Variants in POLR3E observed in about 807,000 individuals in gnomAD.
POLR3E encodes DNA-directed RNA polymerase III subunit RPC5.
Under a neutral mutation model 96.6 loss-of-function variants are expected in POLR3E, and 41 were observed. The observed-to-expected ratio is 0.42, with a 90% CI of 0.33 to 0.55. The LOEUF (loss-of-function observed/expected upper bound fraction) is 0.55, where lower values mean the gene tolerates loss of function less well. POLR3E is among the 20% of genes least tolerant of loss of function. The pLI is 0.06. For missense variants in POLR3E, 849 were observed against 952.1 expected (o/e 0.89, Z 1.43); for synonymous variants, 396 against 383.6 (o/e 1.03, Z -0.38).
chr16:22,329,579 G>A (rs1261430613), intron 19 of POLR3E, among the ~76,000 whole-genome samples: 1 of 152,140 alleles, frequency 6.6e-6, no homozygotes, highest in South Asian at 2.1e-4. Context: ...GAGCCAACTG[G>A]CAGGCTGAGG....
intron 3 of POLR3E, among the ~76,000 whole-genome samples, chr16:22,306,259 T>A (rs2048130522): frequency 1.3e-5 from 2 of 152,300 alleles, no homozygotes; most frequent in South Asian, 4.1e-4. Context: ...GCTTTTCTTT[T>A]TTTTGTTTGT....
intron 20 of POLR3E, 46 bp downstream of exon 20, chr16:22,332,231 G>A: frequency 6.3e-7 from 1 of 1,580,852 alleles, no homozygotes; most frequent in African/African-American, 1.4e-5. Flanking sequence ...GGCTCTGGAA[G>A]GGGCTGACAG....
intron 19 of POLR3E, among the ~76,000 whole-genome samples, chr16:22,329,544 C>G (rs74012312): frequency 1.3e-5 from 2 of 152,144 alleles, no homozygotes; most frequent in Admixed American, 1.3e-4. Context: ...CCACTGAGCT[C>G]TCTGTCCCCA....
At chr16:22,328,822 G>C in intron 19 of POLR3E, 2 of 492,026 alleles carry the variant, frequency 4.1e-6, no homozygotes, top group East Asian at 3.8e-5. Context: ...AGCTCCATCA[G>C]AATCATCTTT....
At chr16:22,308,812 C>T (rs1464868989) in intron 4 of POLR3E, 113 bp from the exon 5 acceptor site, 2 of 660,312 alleles carry the variant, frequency 3.0e-6, no homozygotes, top group Non-Finnish European at 5.3e-6. Flanking sequence ...ATGTGTCAGT[C>T]TCGCTTCCGG....
At chr16:22,309,232 G>A (rs1329985192) in intron 5 of POLR3E, 192 bp downstream of exon 5, 11 of 681,992 alleles carry the variant, frequency 1.6e-5, no homozygotes, top group Admixed American at 2.3e-5. Flanking sequence ...CCCACTCCTC[G>A]TCTCTTGGTC....
chr16:22,308,678 G>A (rs2141747537), intron 4 of POLR3E, among the ~76,000 whole-genome samples: 1 of 152,262 alleles, frequency 6.6e-6, no homozygotes, highest in Admixed American at 6.5e-5. Context: ...ACCTAATTTA[G>A]GTCTTTGGGA....
chr16:22,322,788 G>C lies in POLR3E; in HGVS notation c.987-62G>C, dbSNP rs2048495989. ...AGCATGGACTGGGGCTTGGCCGGGA[G>C]GGGTAGCGGTAGAGGGGGCTCAGGG... On this transcript the variant is annotated intron_variant, in intron 13 of 20. Coordinates refer to ENST00000299853, the MANE Select transcript of POLR3E (RefSeq NM_018119.4). This position sits in a 1 kb window ranked among gnomAD's most constrained non-coding sequence, Gnocchi z 5.2. 5.9e-6 allele frequency: 7 copies of C among 1,181,632 alleles called. No homozygotes were observed. The highest frequency in any genetic ancestry group is 7.5e-6 in the Non-Finnish European group (6 of 796,492). The allele number at this position is 1,181,632 out of a possible 1,614,324, so 73.2% of individuals were successfully genotyped here.
At chr16:22,302,766 G>C in intron 1 of POLR3E, 165 bp from the exon 2 acceptor site, 1 of 637,584 alleles carries the variant, frequency 1.6e-6, no homozygotes, top group Non-Finnish European at 2.8e-6. Flanking sequence ...CTGGCTGATG[G>C]GGTATAGGGT....
At chr16:22,326,456 A>G in intron 18 of POLR3E, 178 bp downstream of exon 18, 1 of 645,120 alleles carries the variant, frequency 1.6e-6, no homozygotes. Flanking sequence ...AAATGGGATC[A>G]TGTTGGGTTT....
At chr16:22,331,712 A>G in intron 19 of POLR3E, 1 of 169,752 alleles carries the variant, frequency 5.9e-6, no homozygotes, top group East Asian at 1.7e-4. Context: ...CCTGCTTGCT[A>G]AGTCCGATGC....
chr16:22,309,282 C>A, intron 5 of POLR3E, 146 bp from the exon 6 acceptor site: 1 of 743,572 alleles, frequency 1.3e-6, no homozygotes, highest in South Asian at 1.5e-5. Context: ...CCAGGCTGCC[C>A]TCCTGAGACC....
rs1422536180 is a variant in POLR3E at position 22,326,217 on chromosome 16, T to C, written c.1805T>C (p.Ile602Thr). Residue 602 changes from isoleucine to threonine, a missense_variant, in exon 18 of 21, where the codon ATC becomes ACC. Physicochemically the swap from Ile to Thr is moderately conservative, Grantham distance 89 (BLOSUM62 -1). Transcript: ENST00000299853. ...CCCGGCCACACACTCTTCAGCGGCATCTCGGACCGCATGCTACAGGACACG... is the reference window on the plus strand; with the variant it reads ...CCCGGCCACACACTCTTCAGCGGCACCTCGGACCGCATGCTACAGGACACG... ...LPPGHTLFSG[I>T]SDRMLQDTVL... 2 of 1,610,868 alleles carry C rather than the reference T, an allele frequency of 1.2e-6. No homozygotes were observed. Among genetic ancestry groups the C allele is most frequent in the Non-Finnish European group, 8.5e-7 (1 of 1,178,598 alleles).
rs1191780729 is a variant in POLR3E, at chr16:22,333,411, C to T, written c.2071-233C>T. 5.3e-5 allele frequency among the ~76,000 whole-genome samples: 8 copies of T among 150,006 alleles called. No homozygotes were observed. In the East Asian group the frequency reaches 6.1e-4, roughly 11 times the overall value. ...AGGCTGCAGTGAGCCAAGATCATGC[C>T]GTTGCACTCCAGCCTGGGTAACAAG... is the stretch of plus-strand genomic sequence containing the variant. On this transcript the variant is annotated intron_variant, in intron 20 of 20. Transcript: ENST00000299853.
rs908741096 is a variant in POLR3E, at chr16:22,322,069, T to C, written c.987-781T>C. Reference sequence around the variant, plus strand: ...GTTTGTTTGGTCAGCACACACTTAATAGGTACCTTCGCTGTGGTGGCAGCG... The same window carrying C: ...GTTTGTTTGGTCAGCACACACTTAACAGGTACCTTCGCTGTGGTGGCAGCG... On this transcript the variant is annotated intron_variant, in intron 13 of 20. Transcript: ENST00000299853. This position sits in a 1 kb window ranked among gnomAD's most constrained non-coding sequence, Gnocchi z 5.2. Among the ~76,000 whole-genome samples the C allele has an allele frequency of 6.6e-6, 1 of 152,188 alleles. No individual in the cohort carries two copies. Among genetic ancestry groups the C allele is most frequent in the African/African-American group, 2.4e-5 (1 of 41,432 alleles).
chr16:22,303,149 G>A, intron 2 of POLR3E, 145 bp downstream of exon 2: 3 of 790,604 alleles, frequency 3.8e-6, no homozygotes, highest in Non-Finnish European at 6.7e-6. Flanking sequence ...CCCCTCTGCT[G>A]TCCCCCAGAC....
chr16:22,297,771 G>A (rs986199731), intron 1 of POLR3E, among the ~76,000 whole-genome samples: 6 of 152,256 alleles, frequency 3.9e-5, no homozygotes, highest in Non-Finnish European at 7.3e-5. Flanking sequence ...GCCGACGCTG[G>A]CGGCGGTGAC....
intron 2 of POLR3E, among the ~76,000 whole-genome samples, chr16:22,304,439 T>C (rs1035779453): frequency 3.9e-5 from 6 of 152,280 alleles, no homozygotes; most frequent in Middle Eastern, 3.4e-3. Flanking sequence ...TCCAAGGGAC[T>C]CCGAGGACAG....
Position 22,315,240 on chromosome 16 carries a change from A to G in POLR3E, c.642+32A>G, listed in dbSNP as rs372738118. ...GGGGCTTCGTGGGGTCCTGGGGGAAACACCTCGGTGCCCGGAAGGGTCATG... is the reference window on the plus strand; with the variant it reads ...GGGGCTTCGTGGGGTCCTGGGGGAAGCACCTCGGTGCCCGGAAGGGTCATG... On this transcript the variant is annotated intron_variant, in intron 9 of 20. Coordinates refer to ENST00000299853, the MANE Select transcript of POLR3E (RefSeq NM_018119.4). The G allele has an allele frequency of 2.6e-6, 4 of 1,558,424 alleles. No homozygotes were observed. In the South Asian group the frequency reaches 3.5e-5, roughly 14 times the overall value.
Sources: allele counts gnomAD v4.1 joint callset (sites outside exome capture counted in the v4.1 genomes callset), GRCh38; gene constraint gnomAD v4.1.1; non-coding constraint Gnocchi (gnomAD v3.1); transcripts MANE v1.5; gene names NCBI Gene and HGNC (gene_info 2026-07-23, HGNC 2026-07-21).